The following ZRANB3 variants were observed in gnomAD, a reference collection of about 807,000 sequenced individuals.
The protein encoded by ZRANB3 is zinc finger RANBP2-type containing 3, also known as DNA annealing helicase and endonuclease ZRANB3.
A neutral mutation model predicts 133.8 loss-of-function variants in ZRANB3; 125 were observed. The ratio of observed to expected loss-of-function variants is 0.93; its 90% CI spans 0.81 to 1.08. The LOEUF is 1.08. ZRANB3 is among the 50% of genes least tolerant of loss of function. The pLI, the probability that ZRANB3 is intolerant of heterozygous loss-of-function variation, is 0.00. For missense variants in ZRANB3, 1,229 were observed against 1,275.5 expected (o/e 0.96, Z 0.56); for synonymous variants, 387 against 432.7 (o/e 0.89, Z 1.31).
intron 9 of ZRANB3, among the ~76,000 whole-genome samples, chr2:135,274,693 T>C (rs372858574): frequency 2.0e-5 from 3 of 152,134 alleles, no homozygotes; most frequent in Admixed American, 6.6e-5. Context: ...GGCAGGGTCA[T>C]AGGACAATAG....
chr2:135,455,944 A>C (rs909266391), intron 2 of ZRANB3, among the ~76,000 whole-genome samples: 13 of 152,074 alleles, frequency 8.5e-5, no homozygotes, highest in African/African-American at 3.1e-4. Flanking sequence ...CTAGTTGATT[A>C]TTGTTTATGG....
chr2:135,475,293 T>C (rs574771951), intron 2 of ZRANB3, among the ~76,000 whole-genome samples: 17 of 152,356 alleles, frequency 1.1e-4, no homozygotes, highest in African/African-American at 4.1e-4. Flanking sequence ...GTCCCATTTA[T>C]GTCTTCACTG....
chr2:135,314,338 T>G lies in ZRANB3; in HGVS notation c.850-733A>C, dbSNP rs184402711. ...ATGAAGTACAAATATAATCATATGTTGATTCCATTTTATTTTTCTTTCTAA... is the reference window on the plus strand; with the variant it reads ...ATGAAGTACAAATATAATCATATGTGGATTCCATTTTATTTTTCTTTCTAA... On this transcript the variant is annotated intron_variant, in intron 7 of 20. Transcript: ENST00000264159. Among the ~76,000 whole-genome samples, 497 of 152,352 alleles carry G rather than the reference T, an allele frequency of 3.3e-3. 3 individuals carry two copies. The highest frequency in any genetic ancestry group is 0.011 in the African/African-American group (471 of 41,594).
chr2:135,422,713 G>A (rs1688915317), intron 2 of ZRANB3, among the ~76,000 whole-genome samples: 1 of 152,190 alleles, frequency 6.6e-6, no homozygotes, highest in African/African-American at 2.4e-5. Context: ...ACTGCAGGAG[G>A]AGAGGGTGTG....
At chr2:135,451,836 A>T (rs1690287375) in intron 2 of ZRANB3, among the ~76,000 whole-genome samples, 1 of 152,222 alleles carries the variant, frequency 6.6e-6, no homozygotes, top group Non-Finnish European at 1.5e-5. Context: ...ACGCACAAAA[A>T]ATCCAAACTA....
chr2:135,497,870 T>A (rs1246077594), intron 2 of ZRANB3, among the ~76,000 whole-genome samples: 1 of 152,028 alleles, frequency 6.6e-6, no homozygotes, highest in Non-Finnish European at 1.5e-5. Flanking sequence ...CAGGCCAACA[T>A]GGTAAAACCT....
intron 2 of ZRANB3, among the ~76,000 whole-genome samples, chr2:135,443,779 G>A (rs75011637): frequency 1.5e-3 from 229 of 152,228 alleles, no homozygotes; most frequent in African/African-American, 5.2e-3. Context: ...ACCACAGAAT[G>A]AAGAGACTAA....
At chr2:135,293,522 A>G (rs1032020891) in intron 8 of ZRANB3, among the ~76,000 whole-genome samples, 40 of 152,290 alleles carry the variant, frequency 2.6e-4, no homozygotes, top group African/African-American at 9.1e-4. Context: ...TTCTAGATAT[A>G]CAATCATGTC....
intron 8 of ZRANB3, among the ~76,000 whole-genome samples, chr2:135,283,065 G>T (rs1429027159): frequency 5.3e-5 from 8 of 150,928 alleles, no homozygotes; most frequent in Admixed American, 2.6e-4. Flanking sequence ...CAGGAGGACT[G>T]CTCAAGCCCA....
chr2:135,350,339 T>C, intron 4 of ZRANB3, 124 bp from the exon 5 acceptor site: 2 of 628,136 alleles, frequency 3.2e-6, no homozygotes, highest in Non-Finnish European at 5.4e-6. Flanking sequence ...TAAAAGGAGA[T>C]GGTACTACTA....
intron 2 of ZRANB3, among the ~76,000 whole-genome samples, chr2:135,475,111 A>G (rs1435334888): frequency 6.6e-6 from 1 of 152,200 alleles, no homozygotes; most frequent in African/African-American, 2.4e-5. Flanking sequence ...TCATTTGTTG[A>G]TGCCTAACAA....
intron 2 of ZRANB3, among the ~76,000 whole-genome samples, chr2:135,401,680 G>T (rs962125426): frequency 2.0e-5 from 3 of 152,084 alleles, no homozygotes; most frequent in Admixed American, 2.0e-4. Context: ...CCTGCATCAC[G>T]CAATGATGCC....
At chr2:135,256,257 G>C (rs549502327) in intron 12 of ZRANB3, among the ~76,000 whole-genome samples, 1 of 152,272 alleles carries the variant, frequency 6.6e-6, no homozygotes, top group Non-Finnish European at 1.5e-5. Context: ...CATACAAGAA[G>C]TGGCCTTTAT....
chr2:135,311,580 A>AT (rs1558907508), intron 8 of ZRANB3, among the ~76,000 whole-genome samples: 3 of 146,378 alleles, frequency 2.0e-5, no homozygotes, highest in African/African-American at 7.7e-5. Context: ...AGGTGAAAGA[A>AT]TAAAAAAAAA....
At chr2:135,257,125 A>G (rs1679698378) in intron 12 of ZRANB3, among the ~76,000 whole-genome samples, 1 of 152,246 alleles carries the variant, frequency 6.6e-6, no homozygotes, top group African/African-American at 2.4e-5. Context: ...AGGAATAACC[A>G]TAAGCATACT....
At chr2:135,306,077 T>G (rs950068725) in intron 8 of ZRANB3, among the ~76,000 whole-genome samples, 2 of 152,218 alleles carry the variant, frequency 1.3e-5, no homozygotes, top group African/African-American at 2.4e-5. Context: ...GTTGTATCTA[T>G]TTGATAAGTC....
At chr2:135,293,603 A>T (rs1192696203) in intron 8 of ZRANB3, among the ~76,000 whole-genome samples, 1 of 151,954 alleles carries the variant, frequency 6.6e-6, no homozygotes, top group African/African-American at 2.4e-5. Context: ...CTCCTGCCTC[A>T]TTGCCCTGGC....
intron 8 of ZRANB3, among the ~76,000 whole-genome samples, chr2:135,297,876 T>A (rs1682223785): frequency 6.6e-6 from 1 of 152,224 alleles, no homozygotes; most frequent in Non-Finnish European, 1.5e-5. Context: ...GTTATGATTG[T>A]CTTTTCTTTA....
At chr2:135,309,996 T>C (rs1682898258) in intron 8 of ZRANB3, among the ~76,000 whole-genome samples, 1 of 152,128 alleles carries the variant, frequency 6.6e-6, no homozygotes, top group South Asian at 2.1e-4. Flanking sequence ...GAGTGCAGTG[T>C]CATGATCTCG....
Sources: gnomAD v4.1 joint callset for allele counts (sites outside exome capture counted in the v4.1 genomes callset) on GRCh38, gnomAD v4.1.1 for gene constraint, MANE v1.5 for transcripts, NCBI Gene and HGNC (gene_info 2026-07-23, HGNC 2026-07-21) for gene names.